Variants in PUM3 observed in about 807,000 individuals in gnomAD.
The protein encoded by PUM3 is pumilio homolog 3.
A neutral mutation model predicts 84.0 loss-of-function variants in PUM3; 91 were observed. The observed-to-expected ratio is 1.08, with a 90% CI of 0.91 to 1.29. The LOEUF is 1.29. Among genes scored for constraint, PUM3 ranks in the 50% most tolerant of loss-of-function variants. The pLI is 0.00. For missense variants in PUM3, 1,067 were observed against 767.5 expected (o/e 1.39, Z -4.61); for synonymous variants, 321 against 266.7 (o/e 1.20, Z -1.98).
intron 10 of PUM3, among the ~76,000 whole-genome samples, chr9:2,826,247 T>C (rs1437447069): frequency 6.6e-6 from 1 of 152,200 alleles, no homozygotes; most frequent in Non-Finnish European, 1.5e-5. Flanking sequence ...TACCACTGAA[T>C]ATATTCAAAT....
intron 1 of PUM3, among the ~76,000 whole-genome samples, chr9:2,843,624 G>A (rs1466780125): frequency 4.4e-4 from 63 of 144,662 alleles, no homozygotes; most frequent in Non-Finnish European, 7.0e-4. Flanking sequence ...TGTCTCCCAG[G>A]CTGGAGTGTA....
At chr9:2,812,470 G>C (rs987268461) in intron 13 of PUM3, 108 bp from the exon 14 acceptor site, 2 of 724,450 alleles carry the variant, frequency 2.8e-6, no homozygotes, top group East Asian at 2.8e-5. Context: ...GCAAGGAACT[G>C]ATAATTTCCT....
In PUM3 at chr9:2,833,120, T is replaced by A. The variant is rs533289282; in HGVS notation, c.516+237A>T. On this transcript the variant is annotated intron_variant, in intron 5 of 17. Coordinates refer to ENST00000397885, the MANE Select transcript of PUM3 (RefSeq NM_014878.5). ...ATAACTTTAAGGAAACACTGGCTTA[T>A]TTTAAGAATTATTAAAAAATGACTG... 2.0e-5 allele frequency among the ~76,000 whole-genome samples: 3 copies of A among 152,344 alleles called. No homozygotes were observed. In the South Asian group the frequency reaches 6.2e-4, roughly 32 times the overall value.
In PUM3 at chr9:2,812,359, T is replaced by C. The variant is rs1647856958; in HGVS notation, c.1273A>G (p.Ile425Val). The C allele has an allele frequency of 6.4e-7, 1 of 1,558,546 alleles. No individual in the cohort carries two copies. Among genetic ancestry groups the C allele is most frequent in the African/African-American group, 1.4e-5 (1 of 72,898 alleles). The change falls in exon 14 of 18, where the codon ATT (isoleucine) becomes GTT (valine). Residue 425 changes from isoleucine to valine, a missense_variant. Transcript: ENST00000397885. ...KLVKQIIISEIISSLPSIVND... is the reference protein window; with the variant it reads ...KLVKQIIISEVISSLPSIVND... The stretch of plus-strand genomic sequence containing the variant: ...ACTATGCTAGGCAATGAACTGATAA[T>C]TTCCTATAAAATTATAAACAAAAAA...
chr9:2,819,147 T>C (rs1821532669), intron 13 of PUM3, among the ~76,000 whole-genome samples: 1 of 152,256 alleles, frequency 6.6e-6, no homozygotes, highest in Non-Finnish European at 1.5e-5. Flanking sequence ...ACTATCAAAC[T>C]AGTATTTTCT....
intron 9 of PUM3, among the ~76,000 whole-genome samples, chr9:2,827,629 A>C (rs1815859140): frequency 6.6e-6 from 1 of 152,186 alleles, no homozygotes; most frequent in African/African-American, 2.4e-5. Flanking sequence ...CACCTACTTA[A>C]TCCAAACCCC....
rs1816148252 is a variant in PUM3, at chr9:2,837,220, G to C, written c.264C>G (p.Phe88Leu). Residue 88 changes from phenylalanine to leucine, a missense_variant, in exon 3 of 18, where the codon TTC becomes TTG. Coordinates refer to ENST00000397885, the MANE Select transcript of PUM3 (RefSeq NM_014878.5). Reference sequence around the variant, plus strand: ...CTGGCTGGAATTTTCTCTTCTTGTTGAATTTATTTGCCGGCTGGAATTTGT... The same window carrying C: ...CTGGCTGGAATTTTCTCTTCTTGTTCAATTTATTTGCCGGCTGGAATTTGT... The part of the protein sequence containing the change: ...PKNKFQPANK[F>L]NKKRKFQPDG... 6 of 1,614,084 alleles carry C rather than the reference G, an allele frequency of 3.7e-6. No individual in the cohort carries two copies. The highest frequency in any genetic ancestry group is 1.6e-4 in the Middle Eastern group (1 of 6,062).
intron 17 of PUM3, among the ~76,000 whole-genome samples, chr9:2,804,756 A>G (rs1055976981): frequency 2.6e-5 from 4 of 152,194 alleles, no homozygotes; most frequent in Admixed American, 6.5e-5. Flanking sequence ...ACTTACTTAC[A>G]TCCTGTCTTA....
chr9:2,823,560 A>G (rs1028601091), intron 12 of PUM3, among the ~76,000 whole-genome samples: 1 of 152,176 alleles, frequency 6.6e-6, no homozygotes, highest in Non-Finnish European at 1.5e-5. Context: ...GAGAACTATC[A>G]CAATACAATG....
At chr9:2,824,077 G>GGGTTAC (rs1207226250) in intron 11 of PUM3, among the ~76,000 whole-genome samples, 26 of 152,066 alleles carry the variant, frequency 1.7e-4, no homozygotes, top group Non-Finnish European at 1.5e-5. Context: ...GTTAGGGTTA[G>GGGTTAC]GGTTTGCAAG....
chr9:2,819,469 G>A (rs1821540568), intron 13 of PUM3, among the ~76,000 whole-genome samples: 2 of 152,142 alleles, frequency 1.3e-5, no homozygotes, highest in Admixed American at 6.5e-5. Context: ...CTTTTAATCT[G>A]ACCCTACAAA....
intron 17 of PUM3, among the ~76,000 whole-genome samples, chr9:2,805,554 G>A (rs1170270976): frequency 6.6e-6 from 1 of 152,152 alleles, no homozygotes; most frequent in Non-Finnish European, 1.5e-5. Context: ...GCTTATGGGA[G>A]ATAAGAAACA....
chr9:2,821,995 G>A (rs184324572), intron 12 of PUM3, among the ~76,000 whole-genome samples: 67 of 152,252 alleles, frequency 4.4e-4, no homozygotes, highest in Middle Eastern at 3.4e-3. Flanking sequence ...ATTAAGTGAA[G>A]GAGACAAAAT....
In PUM3 at chr9:2,820,101, G is replaced by A; in HGVS notation, c.1189-3C>T. ...AAAACCAAATGGGAGTATTGGCCCT[G>A]CAAGAATTGGAAGCCAGCAAAGGTT... is the stretch of plus-strand genomic sequence containing the variant. On this transcript the variant is annotated splice_region_variant and splice_polypyrimidine_tract_variant and intron_variant, in intron 12 of 17. Transcript: ENST00000397885. 6.2e-7 allele frequency: 1 copy of A among 1,601,752 alleles called. No individual in the cohort carries two copies.
Position 2,834,150 on chromosome 9 carries a change from C to G in PUM3, c.321G>C (p.Lys107Asn). The G allele has an allele frequency of 6.2e-7, 1 of 1,612,416 alleles. No homozygotes were observed. Among genetic ancestry groups the G allele is most frequent in the Non-Finnish European group, 8.5e-7 (1 of 1,179,352 alleles). Reference sequence around the variant, plus strand: ...TCTTTTTGAAGTCATCCCATTTGGGCTTCTTGGCTGCTGATTCTAGTTATT... The same window carrying G: ...TCTTTTTGAAGTCATCCCATTTGGGGTTCTTGGCTGCTGATTCTAGTTATT... ...DGRSDESAAK[K>N]PKWDDFKKKK... Residue 107 changes from lysine to asparagine, a missense_variant, in exon 4 of 18, where the codon AAG (lysine) becomes AAC (asparagine). Physicochemically the swap from Lys to Asn is moderately conservative, Grantham distance 94 (BLOSUM62 0). Coordinates refer to ENST00000397885, the MANE Select transcript of PUM3 (RefSeq NM_014878.5).
Position 2,811,542 on chromosome 9 carries a change from G to A in PUM3, c.1454C>T (p.Ser485Phe), listed in dbSNP as rs760726690. The A allele has an allele frequency of 3.7e-6, 6 of 1,614,132 alleles. No homozygotes were observed. In the Admixed American group the frequency reaches 8.3e-5, roughly 22 times the overall value. Residue 485 changes from serine (S) to phenylalanine (F), a missense_variant, in exon 15 of 18, where the codon TCC becomes TTC. By Grantham distance (155) the Ser-to-Phe change is radical (BLOSUM62 -2). Transcript: ENST00000397885. ...TEVRRRELLE[S>F]ISPALLSYLQ... ...GTAGCTTAACAAAGCTGGAGAAATGGATTCTAGGAGCTCCCGTCTGCGGAC... is the reference window on the plus strand; with the variant it reads ...GTAGCTTAACAAAGCTGGAGAAATGAATTCTAGGAGCTCCCGTCTGCGGAC...
intron 13 of PUM3, among the ~76,000 whole-genome samples, chr9:2,818,263 A>G (rs1384512365): frequency 6.6e-6 from 1 of 152,266 alleles, no homozygotes; most frequent in African/African-American, 2.4e-5. Context: ...CAGTTACAGG[A>G]AAGAGATCGG....
At chr9:2,838,305 C>G (rs1166762698) in intron 2 of PUM3, 121 bp downstream of exon 2, 1 of 729,440 alleles carries the variant, frequency 1.4e-6, no homozygotes, top group Non-Finnish European at 2.4e-6. Context: ...CACAATAACA[C>G]ATACTTCTTC....
intron 13 of PUM3, among the ~76,000 whole-genome samples, chr9:2,819,309 C>T (rs571511889): frequency 1.2e-4 from 18 of 152,320 alleles, no homozygotes; most frequent in Non-Finnish European, 2.4e-4. Context: ...CTTTGGAGTA[C>T]TTCCCCTAAG....
Sources: allele counts gnomAD v4.1 joint callset (sites outside exome capture counted in the v4.1 genomes callset), GRCh38; gene constraint gnomAD v4.1.1; transcripts MANE v1.5; gene names NCBI Gene and HGNC (gene_info 2026-07-23, HGNC 2026-07-21).